ZNF730: variants seen among roughly 807,000 people sequenced by gnomAD.
ZNF730 encodes putative zinc finger protein 730.
A neutral mutation model predicts 12.6 loss-of-function variants in ZNF730; 12 were observed. That is an observed-to-expected ratio of 0.95 (90% CI 0.61 to 1.54). The LOEUF (loss-of-function observed/expected upper bound fraction) is 1.54, where lower values mean the gene tolerates loss of function less well. Ranked by LOEUF, ZNF730 falls within the 40% of genes most tolerant of loss-of-function variation. The pLI is 0.00. For missense variants in ZNF730, 643 were observed against 583.5 expected, an observed-to-expected ratio of 1.10 and a Z score of -1.05; for synonymous variants, 194 against 195.8, an observed-to-expected ratio of 0.99 and a Z score of 0.08.
At position 23,146,884 on chromosome 19, in the gene ZNF730, T is replaced by A; in HGVS notation, c.*328T>A. ...CATGATTCATACCAGAGAGAAACTC[T>A]ACAAACCTGAAAGTTTTAACAGTGC... On this transcript the variant is annotated 3_prime_UTR_variant, in exon 4 of 4. Transcript: ENST00000597761. 3.3e-6 allele frequency: 2 copies of A among 605,444 alleles called. No individual in the cohort carries two copies. Among genetic ancestry groups the A allele is most frequent in the South Asian group, 2.1e-5 (1 of 47,608 alleles). The allele number at this position is 605,444 out of a possible 1,614,324, so 37.5% of individuals were successfully genotyped here.
chr19:23,116,859 A>C (rs529882710), upstream of ZNF730: 3 of 316,246 alleles, frequency 9.5e-6, no homozygotes, highest in Non-Finnish European at 1.6e-5. Flanking sequence ...AAAAGGCTGC[A>C]GCCTACGCTG....
chr19:23,117,062 GTC>G lies in ZNF730; in HGVS notation c.-110_-109del, dbSNP rs1460544398. 6.5e-7 allele frequency: 1 copy of G among 1,533,888 alleles called. No individual in the cohort carries two copies. The stretch of plus-strand genomic sequence containing the variant: ...CGCTGCCGCCGAAGCTCCAATTTTC[GTC>G]TGTCTGCTTTGTGTCCTCTGCACGT... On this transcript the variant is annotated 5_prime_UTR_variant, in exon 1 of 4. Transcript: ENST00000597761.
chr19:23,089,236 T>C (rs1237141244), intron 1 of ZNF730, among the ~76,000 whole-genome samples: 1 of 150,306 alleles, frequency 6.7e-6, no homozygotes, highest in Non-Finnish European at 1.5e-5. Flanking sequence ...CCTATTTATT[T>C]TTTTCTGTCT....
intron 1 of ZNF730, chr19:23,127,609 A>G: frequency 5.0e-6 from 5 of 995,514 alleles, no homozygotes; most frequent in South Asian, 2.6e-5. Context: ...CAGAAAACTC[A>G]TTTTGTTTAA....
At chr19:23,095,909 A>G (rs903219731) in intron 1 of ZNF730, among the ~76,000 whole-genome samples, 1 of 152,208 alleles carries the variant, frequency 6.6e-6, no homozygotes, top group African/African-American at 2.4e-5. Flanking sequence ...CTCCACTCAC[A>G]GAAGTCATTG....
chr19:23,100,576 A>G (rs141890372), intron 1 of ZNF730, among the ~76,000 whole-genome samples: 199 of 151,122 alleles, frequency 1.3e-3, no homozygotes, highest in Middle Eastern at 6.9e-3. Context: ...GCAGTTCACA[A>G]TTGGAATTGT....
In ZNF730 at chr19:23,117,138, A is replaced by G; in HGVS notation, c.-36A>G. On this transcript the variant is annotated 5_prime_UTR_variant, in exon 1 of 4. Transcript: ENST00000597761. ...GCGACCTGCGGGTATTGGGAGATCCACAGCTAAGACGCCAGGGCCCCCTGG... is the reference window on the plus strand; with the variant it reads ...GCGACCTGCGGGTATTGGGAGATCCGCAGCTAAGACGCCAGGGCCCCCTGG... 6.2e-7 allele frequency: 1 copy of G among 1,613,730 alleles called. No homozygotes were observed.
chr19:23,143,909 TTG>T lies in ZNF730; in HGVS notation c.227-1360_227-1359del, dbSNP rs1264366969. ...TATATATGTATTTGTTATAAATATTTTGTATGTATTCTAGTTTGTTTGTTAAG... is the reference window on the plus strand; with the variant it reads ...TATATATGTATTTGTTATAAATATTTTATGTATTCTAGTTTGTTTGTTAAG... On this transcript the variant is annotated intron_variant, in intron 3 of 3. Coordinates refer to ENST00000597761, the MANE Select transcript of ZNF730 (RefSeq NM_001277403.2). 4.0e-5 allele frequency: 6 copies of T among 151,240 alleles called. No individual in the cohort carries two copies. The South Asian group carries it at 1.2e-3, about 31-fold the overall frequency. The allele number at this position is 151,240 out of a possible 1,614,324, so 9.4% of individuals were successfully genotyped here.
At chr19:23,099,754 A>T (rs1005600425) in intron 1 of ZNF730, among the ~76,000 whole-genome samples, 18 of 152,270 alleles carry the variant, frequency 1.2e-4, no homozygotes, top group African/African-American at 4.3e-4. Context: ...GTCATTTTTA[A>T]TGTCACCAAA....
chr19:23,108,541 A>G (rs962460412), intron 1 of ZNF730, among the ~76,000 whole-genome samples: 1 of 148,210 alleles, frequency 6.7e-6, no homozygotes, highest in African/African-American at 2.5e-5. Flanking sequence ...ATACTTTGCT[A>G]AACTGCAACA....
At chr19:23,114,646 C>T (rs554167661), upstream of ZNF730, among the ~76,000 whole-genome samples, 2 of 152,166 alleles carry the variant, frequency 1.3e-5, no homozygotes, top group African/African-American at 4.8e-5. Flanking sequence ...CCACCATGCC[C>T]GGCCCTAAAG....
chr19:23,077,423 G>GTTTTTTT (rs1969882469), intron 1 of ZNF730, among the ~76,000 whole-genome samples: 2 of 96,938 alleles, frequency 2.1e-5, no homozygotes, highest in African/African-American at 8.2e-5. Flanking sequence ...TTCCCTAAGA[G>GTTTTTTT]CTTTTTTTTT....
At chr19:23,112,088 A>G (rs1343527799), upstream of ZNF730, among the ~76,000 whole-genome samples, 1 of 152,184 alleles carries the variant, frequency 6.6e-6, no homozygotes, top group East Asian at 1.9e-4. Context: ...CCTGCCATGT[A>G]CACTGAAGCA....
intron 1 of ZNF730, among the ~76,000 whole-genome samples, chr19:23,100,681 A>C (rs1970326493): frequency 9.3e-6 from 1 of 107,194 alleles, no homozygotes. Context: ...TTTGAGACAG[A>C]ATCTTGCTCT....
chr19:23,136,943 G>A (rs1970841394), intron 3 of ZNF730, among the ~76,000 whole-genome samples: 1 of 152,142 alleles, frequency 6.6e-6, no homozygotes, highest in Non-Finnish European at 1.5e-5. Context: ...GGCTGAGGCA[G>A]GTGGATCATG....
At chr19:23,114,475 TTTTTTA>T (rs1406053013), upstream of ZNF730, among the ~76,000 whole-genome samples, 2 of 143,866 alleles carry the variant, frequency 1.4e-5, no homozygotes, top group African/African-American at 2.5e-5. Flanking sequence ...CCCGGCTAAT[TTTTTTA>T]TTTTTATTTA....
At chr19:23,080,668 C>A (rs145927301) in intron 1 of ZNF730, among the ~76,000 whole-genome samples, 39 of 152,148 alleles carry the variant, frequency 2.6e-4, no homozygotes, top group African/African-American at 9.1e-4. Flanking sequence ...AACCACTGTG[C>A]CTGGCTATGC....
intron 1 of ZNF730, among the ~76,000 whole-genome samples, chr19:23,097,356 C>T (rs573240420): frequency 3.9e-5 from 6 of 152,180 alleles, no homozygotes; most frequent in Admixed American, 3.3e-4. Flanking sequence ...AATCTTTTCA[C>T]CTGCCTGGTG....
chr19:23,116,229 C>T (rs369038128), upstream of ZNF730, among the ~76,000 whole-genome samples: 17 of 152,168 alleles, frequency 1.1e-4, no homozygotes, highest in African/African-American at 3.9e-4. Flanking sequence ...GCCCCATCAT[C>T]CTTTGTTCAG....
Sources: gnomAD v4.1 joint callset for allele counts (sites outside exome capture counted in the v4.1 genomes callset) on GRCh38, gnomAD v4.1.1 for gene constraint, MANE v1.5 for transcripts, NCBI Gene and HGNC (gene_info 2026-07-23, HGNC 2026-07-21) for gene names.